SUGCT: variants seen among roughly 807,000 people sequenced by gnomAD.
The protein encoded by SUGCT is succinyl-CoA:glutarate-CoA transferase.
Under a neutral mutation model 55.0 loss-of-function variants are expected in SUGCT, and 41 were observed. That is an observed-to-expected ratio of 0.74 (90% CI 0.58 to 0.97). SUGCT has a LOEUF of 0.97. Ranked by LOEUF, SUGCT falls within the 50% of genes least tolerant of loss-of-function variation. The probability of loss-of-function intolerance (pLI) is 0.00; values close to 1 mark genes in which losing one functional copy is unlikely to be tolerated. For synonymous variants in SUGCT, 187 were observed against 200.4 expected (o/e 0.93, Z 0.56); for missense variants, 568 against 547.8 (o/e 1.04, Z -0.37).
intron 9 of SUGCT, among the ~76,000 whole-genome samples, chr7:40,318,639 G>A (rs1260535049): frequency 6.6e-6 from 1 of 152,200 alleles, no homozygotes; most frequent in South Asian, 2.1e-4. Flanking sequence ...GTTTCACCAT[G>A]TTGGCCAGAC....
intron 7 of SUGCT, among the ~76,000 whole-genome samples, chr7:40,272,141 CATATATAT>C (rs58480323): frequency 0.029 from 1,324 of 46,306 alleles, 28 homozygotes; most frequent in Middle Eastern, 0.062. Flanking sequence ...TGCAATGTGA[CATATATAT>C]ATATATATAT....
At chr7:40,193,667 C>T (rs1424051874) in intron 5 of SUGCT, among the ~76,000 whole-genome samples, 1 of 151,406 alleles carries the variant, frequency 6.6e-6, no homozygotes, top group Non-Finnish European at 1.5e-5. Flanking sequence ...GGCATGATCT[C>T]GGCTCACTGT....
At chr7:40,881,664 C>A in the SUGCT span, among the ~76,000 whole-genome samples, 35 of 152,274 alleles carry the variant, frequency 2.3e-4, no homozygotes, top group African/African-American at 8.2e-4. Context: ...GGGAAATAAC[C>A]CCAATCTCTT....
chr7:40,985,284 AT>A, the SUGCT span, among the ~76,000 whole-genome samples: 2 of 152,160 alleles, frequency 1.3e-5, no homozygotes, highest in Non-Finnish European at 2.9e-5. Flanking sequence ...GTAAATGGAC[AT>A]TTATGGAGCA....
chr7:40,311,596 G>A (rs535395738), intron 8 of SUGCT, among the ~76,000 whole-genome samples: 3 of 151,976 alleles, frequency 2.0e-5, no homozygotes, highest in African/African-American at 7.2e-5. Context: ...CTTTCTCTAT[G>A]CCAACCCCTT....
intron 13 of SUGCT, among the ~76,000 whole-genome samples, chr7:40,764,482 C>T (rs779771694): frequency 6.6e-6 from 1 of 151,838 alleles, no homozygotes; most frequent in African/African-American, 2.4e-5. Context: ...TATATATCAT[C>T]TTATTTGGCT....
chr7:40,316,770 TG>T lies in SUGCT; in HGVS notation c.732del (p.Leu244PhefsTer4). 1 of 1,597,080 alleles carries T rather than the reference TG, an allele frequency of 6.3e-7. No individual in the cohort carries two copies. Among genetic ancestry groups the T allele is most frequent in the African/African-American group, 1.3e-5 (1 of 74,814 alleles). Reference sequence around the variant, plus strand: ...TTTTTTTCCTGGTAGGTGGCGTGTTTGTCTCACATAGCTGCAAATTATCTTA... The same window carrying T: ...TTTTTTTCCTGGTAGGTGGCGTGTTTTCTCACATAGCTGCAAATTATCTTA... Reference protein sequence around the residue: ...CNLLSSQVACLSHIAANYLIG... With the variant: ...CNLLSSQVACXSHIAANYLIG... On this transcript the variant is annotated frameshift_variant, in exon 9 of 14. Transcript: ENST00000335693. LOFTEE classifies it high-confidence loss of function.
chr7:40,369,284 G>C (rs575832270), intron 9 of SUGCT, among the ~76,000 whole-genome samples: 2 of 152,242 alleles, frequency 1.3e-5, no homozygotes, highest in East Asian at 3.9e-4. Context: ...TGGAAGTGGA[G>C]TGGAAGATGG....
the SUGCT span, among the ~76,000 whole-genome samples, chr7:40,948,078 G>A: frequency 1.3e-5 from 2 of 152,292 alleles, no homozygotes; most frequent in South Asian, 2.1e-4. Flanking sequence ...AAGAAGTCAT[G>A]CCCTTTAGAT....
intron 13 of SUGCT, among the ~76,000 whole-genome samples, chr7:40,800,880 A>G (rs1584461124): frequency 6.6e-6 from 1 of 152,194 alleles, no homozygotes. Flanking sequence ...TCCTAGCCCT[A>G]TGAGGTAGTA....
intron 13 of SUGCT, among the ~76,000 whole-genome samples, chr7:40,827,394 A>G (rs1792368676): frequency 6.6e-6 from 1 of 151,984 alleles, no homozygotes; most frequent in Non-Finnish European, 1.5e-5. Context: ...CCTTCTATGG[A>G]GTAGGGAGAA....
intron 13 of SUGCT, among the ~76,000 whole-genome samples, chr7:40,803,310 T>C (rs1396321839): frequency 6.6e-6 from 1 of 152,180 alleles, no homozygotes; most frequent in African/African-American, 2.4e-5. Context: ...TTGCACCAAG[T>C]CCTTCATGGA....
the SUGCT span, among the ~76,000 whole-genome samples, chr7:40,970,281 C>T: frequency 6.6e-6 from 1 of 152,150 alleles, no homozygotes; most frequent in African/African-American, 2.4e-5. Context: ...AAGTGATTCT[C>T]CTGCCTCAGC....
chr7:40,816,147 T>C (rs1791659108), intron 13 of SUGCT, among the ~76,000 whole-genome samples: 1 of 152,234 alleles, frequency 6.6e-6, no homozygotes, highest in African/African-American at 2.4e-5. Context: ...CACCTACTGC[T>C]GAGGTGCCTT....
chr7:40,270,597 T>C (rs1302749941), intron 7 of SUGCT, among the ~76,000 whole-genome samples: 3 of 152,238 alleles, frequency 2.0e-5, no homozygotes, highest in East Asian at 1.9e-4. Context: ...ATGCTGCCTT[T>C]ATTACAGTAG....
intron 3 of SUGCT, among the ~76,000 whole-genome samples, chr7:40,184,776 T>C (rs919898105): frequency 6.6e-6 from 1 of 152,216 alleles, no homozygotes; most frequent in African/African-American, 2.4e-5. Flanking sequence ...CTCTAAGACT[T>C]ACAAGAGAAT....
At chr7:40,439,253 C>T (rs1412618441) in intron 9 of SUGCT, among the ~76,000 whole-genome samples, 1 of 151,018 alleles carries the variant, frequency 6.6e-6, no homozygotes, top group Non-Finnish European at 1.5e-5. Flanking sequence ...TCTAACCATC[C>T]ATCGTCTCTT....
At chr7:40,972,029 C>CT in the SUGCT span, among the ~76,000 whole-genome samples, 1 of 151,954 alleles carries the variant, frequency 6.6e-6, no homozygotes, top group Non-Finnish European at 1.5e-5. Context: ...TAACATTTTT[C>CT]TTTTTTGGTA....
chr7:40,341,745 C>G (rs1230561658), intron 9 of SUGCT, among the ~76,000 whole-genome samples: 1 of 152,176 alleles, frequency 6.6e-6, no homozygotes, highest in Non-Finnish European at 1.5e-5. Context: ...AGTTAGAAAC[C>G]TGGTTTCATT....
Sources: gnomAD v4.1 joint callset for allele counts (sites outside exome capture counted in the v4.1 genomes callset) on GRCh38, gnomAD v4.1.1 for gene constraint, MANE v1.5 for transcripts, NCBI Gene and HGNC (gene_info 2026-07-23, HGNC 2026-07-21) for gene names.